Variants in EHBP1 observed in about 807,000 individuals in gnomAD.
The protein encoded by EHBP1 is EH domain-binding protein 1.
Under a neutral mutation model 144.0 loss-of-function variants are expected in EHBP1, and 55 were observed. The observed-to-expected ratio is 0.38, with a 90% confidence interval of 0.31 to 0.48. The LOEUF is 0.48. Among genes scored for constraint, EHBP1 ranks in the 20% least tolerant of loss-of-function variants. The pLI is 0.98. For missense variants in EHBP1, 1,200 were observed against 1,364.2 expected (o/e 0.88, Z 1.90); for synonymous variants, 469 against 472.7 (o/e 0.99, Z 0.10).
intron 10 of EHBP1, chr2:62,940,085 A>T (rs2056651371): frequency 2.3e-6 from 1 of 435,846 alleles, no homozygotes; most frequent in African/African-American, 2.0e-5. Flanking sequence ...AAGTGAAAGG[A>T]CCAGTTGGGA....
intron 5 of EHBP1, among the ~76,000 whole-genome samples, chr2:62,789,026 T>C (rs1376538515): frequency 2.0e-5 from 3 of 152,210 alleles, no homozygotes; most frequent in East Asian, 1.9e-4. Flanking sequence ...GCTGTCTTCT[T>C]TTAGTGATCA....
rs149018779 is a variant in EHBP1, at chr2:62,744,537, G to A, written c.105-2858G>A. Among the ~76,000 whole-genome samples, 71 of 152,132 alleles carry A rather than the reference G, an allele frequency of 4.7e-4. 1 individual carries two copies. Among genetic ancestry groups the A allele is most frequent in the African/African-American group, 1.4e-3 (59 of 41,518 alleles). On this transcript the variant is annotated intron_variant, in intron 2 of 22. Coordinates refer to ENST00000431489, the MANE Select transcript of EHBP1 (RefSeq NM_001142616.3). ...TAGAACACTGCCTCAGTTTGTTCCC[G>A]ATAATTAAATAGTCGACTGATTTCT...
intron 13 of EHBP1, 116 bp downstream of exon 13, chr2:62,949,278 T>C: frequency 1.1e-6 from 1 of 931,658 alleles, no homozygotes; most frequent in South Asian, 2.1e-5. Context: ...ATTTCTATTA[T>C]AAAAACTCCT....
At chr2:62,752,145 C>G (rs2039795489) in intron 3 of EHBP1, among the ~76,000 whole-genome samples, 1 of 152,186 alleles carries the variant, frequency 6.6e-6, no homozygotes, top group African/African-American at 2.4e-5. Context: ...CCTCTACACA[C>G]TGCTTTGAAT....
At chr2:62,991,962 T>C (rs888815578) in intron 16 of EHBP1, among the ~76,000 whole-genome samples, 9 of 152,228 alleles carry the variant, frequency 5.9e-5, no homozygotes, top group Non-Finnish European at 1.0e-4. Flanking sequence ...GGATCGGGTC[T>C]GATTTTTTGC....
At chr2:62,771,655 TA>T (rs1054312623) in intron 5 of EHBP1, 4 of 169,330 alleles carry the variant, frequency 2.4e-5, no homozygotes, top group African/African-American at 7.2e-5. Flanking sequence ...ATTATATATA[TA>T]AAAAATATAT....
intron 2 of EHBP1, among the ~76,000 whole-genome samples, chr2:62,708,512 C>T (rs991724202): frequency 3.9e-5 from 6 of 152,132 alleles, no homozygotes; most frequent in Admixed American, 1.3e-4. Context: ...TTAACTTCTC[C>T]GTGATTCAAG....
At chr2:62,932,854 T>C (rs915601782) in intron 10 of EHBP1, among the ~76,000 whole-genome samples, 10 of 149,084 alleles carry the variant, frequency 6.7e-5, no homozygotes, top group African/African-American at 2.5e-4. Flanking sequence ...CTTCGGAGGC[T>C]GAGGAAGGAA....
intron 5 of EHBP1, among the ~76,000 whole-genome samples, chr2:62,823,094 C>T (rs983256983): frequency 6.6e-6 from 1 of 151,900 alleles, no homozygotes; most frequent in Non-Finnish European, 1.5e-5. Context: ...ATTCCTAGGT[C>T]CATCTTTAGG....
intron 2 of EHBP1, among the ~76,000 whole-genome samples, chr2:62,729,565 A>AT (rs2037282208): frequency 7.9e-6 from 1 of 126,222 alleles, no homozygotes; most frequent in Non-Finnish European, 1.6e-5. Flanking sequence ...TATATAATAT[A>AT]ATATAATAAA....
At chr2:62,830,281 G>A (rs943634704) in intron 6 of EHBP1, among the ~76,000 whole-genome samples, 2 of 150,974 alleles carry the variant, frequency 1.3e-5, no homozygotes, top group African/African-American at 2.4e-5. Context: ...GATTACAGGC[G>A]CATGCCACCA....
chr2:62,684,286 G>A (rs908496478), intron 1 of EHBP1, among the ~76,000 whole-genome samples: 13 of 151,928 alleles, frequency 8.6e-5, no homozygotes, highest in African/African-American at 2.7e-4. Flanking sequence ...TCAAAGAGAG[G>A]TAGACTCCTT....
intron 1 of EHBP1, among the ~76,000 whole-genome samples, chr2:62,686,522 G>A (rs1473486336): frequency 2.0e-5 from 3 of 152,110 alleles, no homozygotes; most frequent in Non-Finnish European, 2.9e-5. Flanking sequence ...CATGCCATAT[G>A]GAGCTAACGG....
At chr2:62,892,801 C>T (rs1480981548) in intron 10 of EHBP1, among the ~76,000 whole-genome samples, 3 of 152,122 alleles carry the variant, frequency 2.0e-5, no homozygotes, top group Middle Eastern at 6.8e-3. Flanking sequence ...AAAAATTACT[C>T]CAAAATATTT....
chr2:62,687,711 G>A (rs2151740661), intron 1 of EHBP1, among the ~76,000 whole-genome samples: 1 of 152,252 alleles, frequency 6.6e-6, no homozygotes, highest in African/African-American at 2.4e-5. Context: ...TGGTTTGTAA[G>A]GGTTCCAATA....
intron 1 of EHBP1, among the ~76,000 whole-genome samples, chr2:62,674,398 C>T (rs1347785932): frequency 6.6e-6 from 1 of 152,162 alleles, no homozygotes; most frequent in Non-Finnish European, 1.5e-5. Flanking sequence ...TTGAAATATC[C>T]TCAATTTTGG....
chr2:62,714,920 T>C (rs2035518735), intron 2 of EHBP1, among the ~76,000 whole-genome samples: 3 of 152,198 alleles, frequency 2.0e-5, no homozygotes, highest in Admixed American at 2.0e-4. Flanking sequence ...CTACATATTT[T>C]TGCTTCTGAA....
At chr2:62,950,810 C>T (rs1197681825) in intron 13 of EHBP1, among the ~76,000 whole-genome samples, 4 of 152,088 alleles carry the variant, frequency 2.6e-5, no homozygotes, top group African/African-American at 4.8e-5. Flanking sequence ...CTCAGCCTCC[C>T]GAGAAGCTGG....
intron 10 of EHBP1, among the ~76,000 whole-genome samples, chr2:62,934,480 G>A (rs977087375): frequency 2.6e-5 from 4 of 151,886 alleles, no homozygotes; most frequent in South Asian, 2.1e-4. Context: ...CTTTTTTGAC[G>A]GAAAATGTAT....
Sources: gnomAD v4.1 joint callset for allele counts (sites outside exome capture counted in the v4.1 genomes callset) on GRCh38, gnomAD v4.1.1 for gene constraint, MANE v1.5 for transcripts, NCBI Gene and HGNC (gene_info 2026-07-23, HGNC 2026-07-21) for gene names.